Variants in SLC44A3 observed in about 807,000 individuals in gnomAD.
SLC44A3 encodes choline transporter-like protein 3.
In SLC44A3, 74 loss-of-function variants were observed where a neutral mutation model predicts 75.4. The ratio of observed to expected loss-of-function variants is 0.98; its 90% CI spans 0.81 to 1.19. The LOEUF is 1.19. Among genes scored for constraint, SLC44A3 ranks in the 50% most tolerant of loss-of-function variants. The pLI, the probability that SLC44A3 is intolerant of heterozygous loss-of-function variation, is 0.00. For synonymous variants in SLC44A3, 310 were observed against 296.9 expected (o/e 1.04, Z -0.45); for missense variants, 700 against 778.6 (o/e 0.90, Z 1.20).
intron 12 of SLC44A3, among the ~76,000 whole-genome samples, chr1:94,878,410 G>A (rs563654335): frequency 1.2e-4 from 19 of 152,226 alleles, no homozygotes; most frequent in African/African-American, 3.9e-4. Context: ...ATGAGGACCC[G>A]AACGCCCTCA....
chr1:94,832,167 T>TA (rs1028132936), intron 5 of SLC44A3, among the ~76,000 whole-genome samples: 2 of 150,532 alleles, frequency 1.3e-5, no homozygotes, highest in African/African-American at 4.9e-5. Flanking sequence ...AGACTCCATC[T>TA]AAAAAAAAAG....
intron 6 of SLC44A3, 79 bp from the exon 7 acceptor site, chr1:94,839,869 T>C: frequency 1.0e-6 from 1 of 990,476 alleles, no homozygotes; most frequent in South Asian, 1.3e-5. Context: ...TTCTGGAGGG[T>C]TTTGTCATCG....
chr1:94,845,981 T>C (rs1177535442), intron 9 of SLC44A3, among the ~76,000 whole-genome samples: 1 of 152,038 alleles, frequency 6.6e-6, no homozygotes, highest in Non-Finnish European at 1.5e-5. Flanking sequence ...ACCCCGTCTG[T>C]ACTAAAAATA....
At chr1:94,828,880 C>T (rs914399947) in intron 5 of SLC44A3, among the ~76,000 whole-genome samples, 3 of 152,150 alleles carry the variant, frequency 2.0e-5, no homozygotes, top group African/African-American at 7.2e-5. Flanking sequence ...TGAATTATTA[C>T]TAACGGGGTG....
chr1:94,894,410 C>T (rs1431858694), intron 14 of SLC44A3, among the ~76,000 whole-genome samples: 1 of 152,162 alleles, frequency 6.6e-6, no homozygotes, highest in Non-Finnish European at 1.5e-5. Flanking sequence ...CCTGAGTTTT[C>T]CATTAACTGG....
At chr1:94,821,833 G>C (rs758658456) in intron 2 of SLC44A3, among the ~76,000 whole-genome samples, 1 of 152,178 alleles carries the variant, frequency 6.6e-6, no homozygotes, top group African/African-American at 2.4e-5. Context: ...TTGTTGAAAA[G>C]AATTCCATCT....
At chr1:94,839,376 AT>A (rs958869890) in intron 6 of SLC44A3, among the ~76,000 whole-genome samples, 5 of 151,776 alleles carry the variant, frequency 3.3e-5, no homozygotes, top group African/African-American at 7.3e-5. Context: ...TTGCTATAAA[AT>A]TTTTTTTCTT....
At chr1:94,876,324 G>A (rs1668280723) in intron 12 of SLC44A3, among the ~76,000 whole-genome samples, 1 of 152,330 alleles carries the variant, frequency 6.6e-6, no homozygotes, top group South Asian at 2.1e-4. Flanking sequence ...TACACCAAAT[G>A]TCCTCTTCCC....
intron 9 of SLC44A3, among the ~76,000 whole-genome samples, chr1:94,846,307 C>A (rs892134154): frequency 6.6e-6 from 1 of 152,148 alleles, no homozygotes; most frequent in Non-Finnish European, 1.5e-5. Context: ...TCAGAATCAG[C>A]TTTGGTGCTT....
At chr1:94,893,234 A>T (rs1670416282) in intron 14 of SLC44A3, among the ~76,000 whole-genome samples, 1 of 152,216 alleles carries the variant, frequency 6.6e-6, no homozygotes, top group African/African-American at 2.4e-5. Flanking sequence ...CTGTTGCCAT[A>T]AAAATTAGGT....
At chr1:94,867,197 C>A in intron 11 of SLC44A3, 134 bp from the exon 12 acceptor site, 1 of 613,448 alleles carries the variant, frequency 1.6e-6, no homozygotes, top group Non-Finnish European at 2.8e-6. Context: ...AGTATGCACA[C>A]AATAGAACTT....
At chr1:94,858,902 G>C (rs766285306) in intron 10 of SLC44A3, among the ~76,000 whole-genome samples, 94 of 152,122 alleles carry the variant, frequency 6.2e-4, no homozygotes, top group Non-Finnish European at 1.1e-3. Flanking sequence ...ATGTTGGCCA[G>C]GATGGTCTCG....
chr1:94,879,214 C>CA (rs56016110), intron 12 of SLC44A3, among the ~76,000 whole-genome samples: 83,711 of 149,216 alleles, frequency 0.56, 24,085 homozygotes, highest in East Asian at 0.77. Context: ...ACAACAACTA[C>CA]AAAAAAAAAA....
intron 9 of SLC44A3, among the ~76,000 whole-genome samples, chr1:94,855,753 C>T (rs889182669): frequency 6.6e-6 from 1 of 152,210 alleles, no homozygotes; most frequent in African/African-American, 2.4e-5. Flanking sequence ...ATATCCTCCC[C>T]TTTCCTTCAC....
intron 3 of SLC44A3, among the ~76,000 whole-genome samples, chr1:94,826,561 G>C (rs998070991): frequency 2.7e-5 from 4 of 150,808 alleles, no homozygotes; most frequent in Non-Finnish European, 5.9e-5. Context: ...TGATGCAGGA[G>C]AATCACTTGA....
At chr1:94,853,855 C>G (rs1451126630) in intron 9 of SLC44A3, among the ~76,000 whole-genome samples, 1 of 122,650 alleles carries the variant, frequency 8.2e-6, no homozygotes, top group Non-Finnish European at 1.7e-5. Context: ...ATGGTATCCT[C>G]TCTCTGATTT....
chr1:94,881,004 G>C (rs998269773), intron 12 of SLC44A3, among the ~76,000 whole-genome samples: 2 of 151,904 alleles, frequency 1.3e-5, no homozygotes, highest in Admixed American at 6.6e-5. Flanking sequence ...AGGAGTTCAA[G>C]GCCAGCCTGG....
chr1:94,887,208 A>C (rs942764029), intron 12 of SLC44A3, among the ~76,000 whole-genome samples: 12 of 152,122 alleles, frequency 7.9e-5, no homozygotes, highest in Non-Finnish European at 1.5e-4. Flanking sequence ...TACGATGAAA[A>C]TGTTAGTGCA....
intron 3 of SLC44A3, among the ~76,000 whole-genome samples, chr1:94,825,527 C>T (rs1040344400): frequency 6.6e-6 from 1 of 152,052 alleles, no homozygotes; most frequent in African/African-American, 2.4e-5. Context: ...GACGGGGTTT[C>T]ACTGTGTTAG....
Sources: allele counts gnomAD v4.1 joint callset (sites outside exome capture counted in the v4.1 genomes callset), GRCh38; gene constraint gnomAD v4.1.1; transcripts MANE v1.5; gene names NCBI Gene and HGNC (gene_info 2026-07-23, HGNC 2026-07-21).